ADCY9: variants seen among roughly 807,000 people sequenced by gnomAD.
The protein encoded by ADCY9 is adenylate cyclase type 9.
In ADCY9, 50 loss-of-function variants were observed where a neutral mutation model predicts 101.5. The ratio of observed to expected loss-of-function variants is 0.49; its 90% CI spans 0.39 to 0.62. ADCY9 has a LOEUF of 0.62. Ranked by LOEUF, ADCY9 falls within the 20% of genes least tolerant of loss-of-function variation. ADCY9 has a pLI of 0.00. For synonymous variants in ADCY9, 905 were observed against 769.3 expected (o/e 1.18, Z -2.92); for missense variants, 1,662 against 1,800.4 (o/e 0.92, Z 1.39).
intron 2 of ADCY9, among the ~76,000 whole-genome samples, chr16:4,077,943 G>A (rs1053329389): frequency 8.6e-5 from 13 of 151,118 alleles, no homozygotes; most frequent in Non-Finnish European, 1.9e-4. Flanking sequence ...AGGTGGTAGT[G>A]AGCCAAGATG....
rs1290333147 is a variant in ADCY9, at chr16:3,992,175, G to A, written c.2178C>T (p.Ala726=). Residue 726 remains alanine, a synonymous_variant, in exon 5 of 11, where the codon GCC becomes GCT. Transcript: ENST00000294016. The surrounding 1 kb of genome is among the most constrained non-coding windows in gnomAD (Gnocchi z 4.2). The stretch of plus-strand genomic sequence containing the variant: ...CTTCTTTGATAACGTCCACAAAGTG[G>A]GCGTCCGTTTTCTCCCGGATGTTCT... ...RFKNIREKTD[A]HFVDVIKEDS... The A allele has an allele frequency of 1.2e-6, 2 of 1,614,178 alleles. No homozygotes were observed. Among genetic ancestry groups the A allele is most frequent in the Non-Finnish European group, 1.7e-6 (2 of 1,180,030 alleles).
intron 2 of ADCY9, among the ~76,000 whole-genome samples, chr16:4,079,378 G>A (rs550835011): frequency 7.8e-4 from 119 of 152,256 alleles, no homozygotes; most frequent in Non-Finnish European, 1.5e-3. Flanking sequence ...AGACCATCCT[G>A]GCCAACATGT....
chr16:4,078,989 CAA>C (rs2056885614), intron 2 of ADCY9, among the ~76,000 whole-genome samples: 1 of 152,136 alleles, frequency 6.6e-6, no homozygotes, highest in Non-Finnish European at 1.5e-5. Context: ...TTATAATTGA[CAA>C]TATTATATTT....
intron 2 of ADCY9, among the ~76,000 whole-genome samples, chr16:4,071,866 G>A (rs1012205335): frequency 1.3e-5 from 2 of 152,112 alleles, no homozygotes; most frequent in South Asian, 2.1e-4. Flanking sequence ...GCGGGAGTGC[G>A]GTGGTGCGGT....
chr16:4,070,439 T>A (rs1206047050), intron 2 of ADCY9, among the ~76,000 whole-genome samples: 1 of 152,242 alleles, frequency 6.6e-6, no homozygotes, highest in Non-Finnish European at 1.5e-5. Flanking sequence ...AAACCTTATA[T>A]AATTACTGAA....
At chr16:4,003,803 T>C (rs1327637588) in intron 3 of ADCY9, among the ~76,000 whole-genome samples, 1 of 152,098 alleles carries the variant, frequency 6.6e-6, no homozygotes, top group Non-Finnish European at 1.5e-5. Context: ...CCCGCCGTGG[T>C]CCGCCTCCCC....
chr16:4,041,806 C>T (rs115353377), intron 2 of ADCY9, among the ~76,000 whole-genome samples: 3,224 of 147,060 alleles, frequency 0.022, 122 homozygotes, highest in African/African-American at 0.077. Context: ...TGCTGGAGTA[C>T]GGTGGAGTAA....
At chr16:4,070,139 T>TGC (rs1237287393) in intron 2 of ADCY9, among the ~76,000 whole-genome samples, 1 of 152,122 alleles carries the variant, frequency 6.6e-6, no homozygotes, top group African/African-American at 2.4e-5. Context: ...TGTGTGTGTG[T>TGC]GTGTGTACTT....
chr16:3,997,535 G>T (rs769121002), intron 3 of ADCY9, among the ~76,000 whole-genome samples: 1 of 152,252 alleles, frequency 6.6e-6, no homozygotes, highest in Non-Finnish European at 1.5e-5. Context: ...TGGCAGAGCC[G>T]CCCACAAATG....
At chr16:4,006,113 G>T (rs2056365534) in intron 3 of ADCY9, among the ~76,000 whole-genome samples, 1 of 152,166 alleles carries the variant, frequency 6.6e-6, no homozygotes, top group African/African-American at 2.4e-5. Context: ...TCACCCAGGG[G>T]TGACTCTGCA....
At position 4,114,202 on chromosome 16, in the gene ADCY9, G is replaced by A; in HGVS notation, c.1241C>T (p.Ala414Val). ...CAGATCGTTCAGGAGACCCACCAGG[G>A]CGTGGGCAGACTTGTTGGCACTCAT... ...TKMSANKSAHALVGLLNDLFG... is the reference protein window; with the variant it reads ...TKMSANKSAHVLVGLLNDLFG... The change falls in exon 2 of 11, where the codon GCC becomes GTC. Residue 414 changes from alanine to valine, a missense_variant. Coordinates refer to ENST00000294016, the MANE Select transcript of ADCY9 (RefSeq NM_001116.4). This position sits in a 1 kb window ranked among gnomAD's most constrained non-coding sequence, Gnocchi z 4.3. 1 of 1,613,970 alleles carries A rather than the reference G, an allele frequency of 6.2e-7. No homozygotes were observed. Among genetic ancestry groups the A allele is most frequent in the South Asian group, 1.1e-5 (1 of 91,078 alleles).
rs151015055 is a variant in ADCY9 at position 4,080,102 on chromosome 16, C to A, written c.1693+33648G>T. Among the ~76,000 whole-genome samples, 86 of 152,030 alleles carry A rather than the reference C, an allele frequency of 5.7e-4. No individual in the cohort carries two copies. The East Asian group carries it at 0.016, about 29-fold the overall frequency. ...TATGGCATATTAATTCAAAGAAATA[C>A]TATATTATGTAGATGCACAGGAAAA... On this transcript the variant is annotated intron_variant, in intron 2 of 10. Transcript: ENST00000294016.
chr16:4,072,819 C>T (rs1272042932), intron 2 of ADCY9, among the ~76,000 whole-genome samples: 3 of 151,568 alleles, frequency 2.0e-5, no homozygotes, highest in Admixed American at 6.6e-5. Flanking sequence ...TAAAAGCTGC[C>T]GGGGTGACAG....
chr16:4,108,525 G>A (rs887312008), intron 2 of ADCY9, among the ~76,000 whole-genome samples: 1 of 149,872 alleles, frequency 6.7e-6, no homozygotes, highest in African/African-American at 2.5e-5. Flanking sequence ...AGGCGCCTGC[G>A]ACCACACCCA....
At chr16:3,973,218 T>G (rs952011815) in intron 10 of ADCY9, among the ~76,000 whole-genome samples, 1 of 152,138 alleles carries the variant, frequency 6.6e-6, no homozygotes, top group Non-Finnish European at 1.5e-5. Context: ...TTATTTTATT[T>G]TATTTTTTGA....
At chr16:4,065,454 A>T (rs191748261) in intron 2 of ADCY9, among the ~76,000 whole-genome samples, 212 of 152,348 alleles carry the variant, frequency 1.4e-3, no homozygotes, top group African/African-American at 4.9e-3. Flanking sequence ...TCCTCTCAAG[A>T]TCCTCACAGC....
intron 6 of ADCY9, 92 bp from the exon 7 acceptor site, chr16:3,983,532 C>T: frequency 9.1e-7 from 1 of 1,094,250 alleles, no homozygotes; most frequent in East Asian, 2.6e-5. Flanking sequence ...ACGTGCGGAG[C>T]ACTGCTGCTC....
chr16:3,991,778 A>G (rs899735467), intron 5 of ADCY9, among the ~76,000 whole-genome samples: 5 of 149,886 alleles, frequency 3.3e-5, no homozygotes, highest in Non-Finnish European at 7.4e-5. Flanking sequence ...AAAAAAAAAA[A>G]AAAAAAAAAA....
intron 2 of ADCY9, among the ~76,000 whole-genome samples, chr16:4,039,241 G>A (rs1285812043): frequency 1.3e-5 from 2 of 152,016 alleles, no homozygotes; most frequent in South Asian, 2.1e-4. Context: ...GCTTCCCCAC[G>A]TACTTGCGGT....
Sources: allele counts gnomAD v4.1 joint callset (sites outside exome capture counted in the v4.1 genomes callset), GRCh38; gene constraint gnomAD v4.1.1; non-coding constraint Gnocchi (gnomAD v3.1); transcripts MANE v1.5; gene names NCBI Gene and HGNC (gene_info 2026-07-23, HGNC 2026-07-21).